Variants in CCDC180 observed in about 807,000 individuals in gnomAD.
CCDC180 encodes coiled-coil domain containing 180.
CCDC180 carries 154 observed loss-of-function variants against 209.2 expected under a neutral mutation model. The ratio of observed to expected loss-of-function variants is 0.74; its 90% CI spans 0.65 to 0.84. CCDC180 has a LOEUF of 0.84. Among genes scored for constraint, CCDC180 ranks in the 40% least tolerant of loss-of-function variants. The pLI is 0.00. For missense variants in CCDC180, 1,874 were observed against 1,997.3 expected, an observed-to-expected ratio of 0.94 and a Z score of 1.18; for synonymous variants, 778 against 749.1, an observed-to-expected ratio of 1.04 and a Z score of -0.63.
At position 97,326,667 on chromosome 9, in the gene CCDC180, C is replaced by T; in HGVS notation, c.1659C>T (p.Ser553=). 6.3e-7 allele frequency: 1 copy of T among 1,591,154 alleles called. No homozygotes were observed. The highest frequency in any genetic ancestry group is 8.6e-7 in the Non-Finnish European group (1 of 1,159,200). The change falls in exon 15 of 37, where the codon TCC becomes TCT. Residue 553 remains serine (S), a splice_region_variant and synonymous_variant. Coordinates refer to ENST00000529487, the MANE Select transcript of CCDC180 (RefSeq NM_020893.6). ...KVKDYLKNMK[S]RYECFHTLLT... ...AAGATTATCTGAAGAACATGAAATC[C>T]AGGTAGGCCAACCAGACTCCAGAAG...
At chr9:97,307,607 C>A, upstream of CCDC180, 1 of 821,102 alleles carries the variant, frequency 1.2e-6, no homozygotes, top group Non-Finnish European at 2.1e-6. Context: ...GGATTAGGGT[C>A]CCGGATGCGA....
chr9:97,321,653 G>T (rs918540404), intron 11 of CCDC180, among the ~76,000 whole-genome samples: 2 of 152,204 alleles, frequency 1.3e-5, no homozygotes, highest in Non-Finnish European at 2.9e-5. Context: ...CTGGCATTCA[G>T]TAGCTGGCTC....
At chr9:97,332,906 T>C (rs1343953223) in intron 18 of CCDC180, among the ~76,000 whole-genome samples, 1 of 152,204 alleles carries the variant, frequency 6.6e-6, no homozygotes, top group Non-Finnish European at 1.5e-5. Flanking sequence ...CCAATACTAG[T>C]TGAATAGGAG....
At chr9:97,375,919 G>A (rs562736004) in intron 36 of CCDC180, 18 of 307,822 alleles carry the variant, frequency 5.8e-5, no homozygotes, top group African/African-American at 1.9e-4. Flanking sequence ...AATGGTAGCC[G>A]TAGGCTCAGG....
At chr9:97,316,986 T>C (rs1833193944) in intron 8 of CCDC180, 79 bp from the exon 9 acceptor site, 4 of 1,395,344 alleles carry the variant, frequency 2.9e-6, no homozygotes, top group Admixed American at 2.0e-5. Context: ...AGCCTCCCAC[T>C]GCTCCTCTCT....
intron 18 of CCDC180, among the ~76,000 whole-genome samples, chr9:97,339,522 G>C (rs1826014513): frequency 1.3e-5 from 2 of 152,154 alleles, no homozygotes; most frequent in African/African-American, 4.8e-5. Flanking sequence ...TCTGCTGAGA[G>C]ATCCACTGTT....
At chr9:97,375,933 G>A (rs73563893) in intron 36 of CCDC180, 1 of 279,142 alleles carries the variant, frequency 3.6e-6, no homozygotes, top group Non-Finnish European at 6.8e-6. Context: ...GCTCAGGGGG[G>A]ACACAGCAGC....
In CCDC180 at chr9:97,377,394, A is replaced by T. The variant is rs1827287688; in HGVS notation, c.*500A>T. ...GCAAATTGCAATATTTTGGAAAAAA[A>T]AAAATCTTCCAGGCTCCTTTAGTCC... On this transcript the variant is annotated 3_prime_UTR_variant, in exon 37 of 37. Transcript: ENST00000529487. The T allele has an allele frequency of 6.6e-6, 1 of 152,362 alleles. No individual in the cohort carries two copies. Among genetic ancestry groups the T allele is most frequent in the South Asian group, 2.1e-4 (1 of 4,838 alleles). 9.4% of individuals were successfully genotyped at this position (152,362 alleles called of 1,614,324 possible). A position where few individuals can be genotyped will look rare whatever the true frequency, so the allele number is the denominator to read the frequency against.
intron 27 of CCDC180, 135 bp downstream of exon 27, chr9:97,362,033 A>C: frequency 1.5e-6 from 2 of 1,368,596 alleles, no homozygotes; most frequent in South Asian, 2.8e-5. Flanking sequence ...ACCTCAGGCA[A>C]AGGGCTTCCC....
intron 18 of CCDC180, among the ~76,000 whole-genome samples, chr9:97,332,323 T>C (rs1202991765): frequency 6.6e-6 from 1 of 152,226 alleles, no homozygotes; most frequent in Non-Finnish European, 1.5e-5. Flanking sequence ...AGCTGTGCTC[T>C]TTTTACTTAG....
chr9:97,325,531 A>G lies in CCDC180; in HGVS notation c.1545+339A>G, dbSNP rs146192932. ...ATAACATGAACCAACCTCAAAAGGAATACATCCACAGGGAGTAGACAAGGT... is the reference window on the plus strand; with the variant it reads ...ATAACATGAACCAACCTCAAAAGGAGTACATCCACAGGGAGTAGACAAGGT... On this transcript the variant is annotated intron_variant, in intron 14 of 36. Transcript: ENST00000529487. Among the ~76,000 whole-genome samples, 23 of 152,348 alleles carry G rather than the reference A, an allele frequency of 1.5e-4. 1 individual carries two copies. The East Asian group carries it at 4.4e-3, about 29-fold the overall frequency.
intron 34 of CCDC180, chr9:97,372,315 A>T (rs1356076233): frequency 6.6e-6 from 1 of 152,266 alleles, no homozygotes; most frequent in African/African-American, 2.4e-5. Context: ...GTAACAACGT[A>T]AAAGAATGTC....
At chr9:97,372,180 G>C (rs1827120230) in intron 34 of CCDC180, 1 of 152,454 alleles carries the variant, frequency 6.6e-6, no homozygotes, top group Non-Finnish European at 1.5e-5. Context: ...CTCTTCAAAA[G>C]AGAAGCAGTT....
intron 8 of CCDC180, among the ~76,000 whole-genome samples, chr9:97,315,411 GGTCTGT>G (rs916736257): frequency 2.6e-5 from 4 of 152,114 alleles, no homozygotes; most frequent in African/African-American, 9.7e-5. Context: ...TCCTACCAGT[GGTCTGT>G]GCCCATTGCT....
chr9:97,325,296 G>C (rs755775762), intron 14 of CCDC180, 104 bp downstream of exon 14: 17 of 1,245,546 alleles, frequency 1.4e-5, no homozygotes, highest in Non-Finnish European at 1.8e-5. Context: ...AATTTGTGCA[G>C]ATGGGGACAT....
intron 28 of CCDC180, among the ~76,000 whole-genome samples, chr9:97,363,321 A>ACAATATCTCTTC (rs1826820229): frequency 6.6e-6 from 1 of 152,180 alleles, no homozygotes; most frequent in Non-Finnish European, 1.5e-5. Context: ...AGCTTCCTGG[A>ACAATATCTCTTC]CTGTCCCCAA....
intron 18 of CCDC180, among the ~76,000 whole-genome samples, chr9:97,333,063 T>C (rs1352833536): frequency 6.6e-6 from 1 of 152,158 alleles, no homozygotes; most frequent in Non-Finnish European, 1.5e-5. Flanking sequence ...TTGTTGAGGG[T>C]TTTTAACATG....
At position 97,318,990 on chromosome 9, in the gene CCDC180, G is replaced by A. The variant is rs543081558; in HGVS notation, c.1079+408G>A. Among the ~76,000 whole-genome samples, 4 of 152,230 alleles carry A rather than the reference G, an allele frequency of 2.6e-5. No individual in the cohort carries two copies. The East Asian group carries it at 5.8e-4, about 22-fold the overall frequency. On this transcript the variant is annotated intron_variant, in intron 10 of 36. Transcript: ENST00000529487. ...ACACTGGAGGCTGGAGGCACCTGTC[G>A]GAGGCTGTGGACACTCTCCTCAGAT...
intron 16 of CCDC180, among the ~76,000 whole-genome samples, chr9:97,329,631 G>T (rs939146894): frequency 6.6e-6 from 1 of 152,154 alleles, no homozygotes; most frequent in African/African-American, 2.4e-5. Flanking sequence ...ATTACCCATT[G>T]TGTGCTATAA....
Sources: allele counts gnomAD v4.1 joint callset (sites outside exome capture counted in the v4.1 genomes callset), GRCh38; gene constraint gnomAD v4.1.1; transcripts MANE v1.5; gene names NCBI Gene and HGNC (gene_info 2026-07-23, HGNC 2026-07-21).